The following APBA1 variants were observed in gnomAD, a reference collection of about 807,000 sequenced individuals.
The protein encoded by APBA1 is amyloid-beta A4 precursor protein-binding family A member 1.
In APBA1, 55 loss-of-function variants were observed where a neutral mutation model predicts 86.6. The observed-to-expected ratio is 0.64, with a 90% CI of 0.51 to 0.80. The LOEUF (loss-of-function observed/expected upper bound fraction) is 0.80. APBA1 is among the 30% of genes least tolerant of loss of function. The probability of loss-of-function intolerance (pLI) is 0.00; values close to 1 mark genes in which losing one functional copy is unlikely to be tolerated. For synonymous variants in APBA1, 511 were observed against 493.9 expected (o/e 1.03, Z -0.46); for missense variants, 1,090 against 1,183.0 (o/e 0.92, Z 1.15).
At chr9:69,523,886 T>G (rs1292100710) in intron 1 of APBA1, among the ~76,000 whole-genome samples, 2 of 152,132 alleles carry the variant, frequency 1.3e-5, no homozygotes, top group Non-Finnish European at 2.9e-5. Flanking sequence ...ACCAGCCATA[T>G]TCTTGGATCA....
chr9:69,491,692 C>A (rs550349336), intron 2 of APBA1, among the ~76,000 whole-genome samples: 1 of 151,890 alleles, frequency 6.6e-6, no homozygotes, highest in South Asian at 2.1e-4. Flanking sequence ...ATATTAGGCT[C>A]CATTTTGAAA....
intron 1 of APBA1, among the ~76,000 whole-genome samples, chr9:69,620,906 T>A (rs1261783292): frequency 6.6e-6 from 1 of 151,998 alleles, no homozygotes; most frequent in Non-Finnish European, 1.5e-5. Flanking sequence ...GCTCCAGAAA[T>A]GAAGCAGCAG....
intron 12 of APBA1, among the ~76,000 whole-genome samples, 153 bp from the exon 13 acceptor site, chr9:69,431,551 G>C (rs931082640): frequency 2.0e-4 from 31 of 152,350 alleles, no homozygotes; most frequent in African/African-American, 7.5e-4. Context: ...CCTGACCCAG[G>C]GTGGCCTCCA....
At chr9:69,640,935 G>A (rs2134007687) in intron 1 of APBA1, among the ~76,000 whole-genome samples, 1 of 147,280 alleles carries the variant, frequency 6.8e-6, no homozygotes, top group Admixed American at 7.0e-5. Flanking sequence ...GAGGGGAGAG[G>A]GGAAAGGAGA....
At position 69,428,972 on chromosome 9, in the gene APBA1, A is replaced by C. The variant is rs1834539782; in HGVS notation, c.*2355T>G. 1 of 152,240 alleles carries C rather than the reference A, an allele frequency of 6.6e-6. No homozygotes were observed. The highest frequency in any genetic ancestry group is 2.4e-5 in the African/African-American group (1 of 41,460). The allele number at this position is 152,240 out of a possible 1,614,324, so 9.4% of individuals were successfully genotyped here. Reference sequence around the variant, plus strand: ...AGAATTGGCTTTTTCAGCACCTCTCAAAGTTTACAAGGTTTTTGTGCAATA... The same window carrying C: ...AGAATTGGCTTTTTCAGCACCTCTCCAAGTTTACAAGGTTTTTGTGCAATA... On this transcript the variant is annotated 3_prime_UTR_variant, in exon 13 of 13. Transcript: ENST00000265381.
chr9:69,470,486 C>T (rs1835349932), intron 4 of APBA1, among the ~76,000 whole-genome samples: 1 of 152,078 alleles, frequency 6.6e-6, no homozygotes, highest in African/African-American at 2.4e-5. Flanking sequence ...AGAAAACTTC[C>T]CAGAATGCTC....
In APBA1 at chr9:69,517,241, T is replaced by G. The variant is rs1166860586; in HGVS notation, c.-31A>C. On this transcript the variant is annotated 5_prime_UTR_variant, in exon 2 of 13. Transcript: ENST00000265381. ...GAGTCGGAACGGCTAGGAGAGAAGC[T>G]GGGCCCGGCTCACTGCGCTCTCATT... The G allele has an allele frequency of 9.1e-6, 13 of 1,432,568 alleles. No individual in the cohort carries two copies. The highest frequency in any genetic ancestry group is 1.2e-5 in the Non-Finnish European group (13 of 1,094,042). The allele number at this position is 1,432,568 out of a possible 1,614,324, so 88.7% of individuals were successfully genotyped here. A position where few individuals can be genotyped will look rare whatever the true frequency, so the allele number is the denominator to read the frequency against.
chr9:69,636,532 C>T (rs1268443775), intron 1 of APBA1, among the ~76,000 whole-genome samples: 1 of 151,908 alleles, frequency 6.6e-6, no homozygotes, highest in Non-Finnish European at 1.5e-5. Flanking sequence ...AAAGAAAATA[C>T]ATTCTGTAAT....
intron 1 of APBA1, among the ~76,000 whole-genome samples, chr9:69,665,386 T>C (rs1823824703): frequency 1.3e-5 from 2 of 152,210 alleles, no homozygotes; most frequent in Admixed American, 1.3e-4. Context: ...CATCTCAGGG[T>C]CTGCATGCAT....
chr9:69,612,071 C>A (rs899956734), intron 1 of APBA1, among the ~76,000 whole-genome samples: 3 of 151,956 alleles, frequency 2.0e-5, no homozygotes, highest in African/African-American at 7.2e-5. Context: ...ATAAATCCAA[C>A]CTAAAAACAG....
intron 1 of APBA1, among the ~76,000 whole-genome samples, chr9:69,569,154 G>A (rs1837076154): frequency 6.6e-6 from 1 of 152,172 alleles, no homozygotes; most frequent in Admixed American, 6.5e-5. Context: ...GAAAAGGAAA[G>A]TTAACTTGGT....
chr9:69,497,001 T>C (rs1358045321), intron 2 of APBA1, among the ~76,000 whole-genome samples: 2 of 152,044 alleles, frequency 1.3e-5, no homozygotes, highest in African/African-American at 4.8e-5. Flanking sequence ...TTAAAATCAC[T>C]AGTCAGACTC....
intron 10 of APBA1, among the ~76,000 whole-genome samples, chr9:69,441,426 T>C (rs1191464480): frequency 6.6e-6 from 1 of 152,214 alleles, no homozygotes; most frequent in Non-Finnish European, 1.5e-5. Flanking sequence ...TGTGCAACTA[T>C]GAGGAAGTAT....
At chr9:69,439,492 T>G (rs923256160) in intron 11 of APBA1, among the ~76,000 whole-genome samples, 3 of 152,240 alleles carry the variant, frequency 2.0e-5, no homozygotes, top group African/African-American at 7.2e-5. Flanking sequence ...TATCTTTTTA[T>G]TCTTTTTTCT....
intron 1 of APBA1, among the ~76,000 whole-genome samples, chr9:69,522,068 T>TATAC (rs1554696804): frequency 1.3e-5 from 2 of 149,444 alleles, no homozygotes; most frequent in Admixed American, 6.7e-5. Context: ...CACCATTTTA[T>TATAC]ACACACACAC....
chr9:69,595,117 T>C (rs1822203669), intron 1 of APBA1, among the ~76,000 whole-genome samples: 1 of 152,192 alleles, frequency 6.6e-6, no homozygotes, highest in African/African-American at 2.4e-5. Context: ...AAGGTGATGA[T>C]ACTGGCAACA....
intron 1 of APBA1, among the ~76,000 whole-genome samples, chr9:69,522,942 G>T (rs1836276902): frequency 6.6e-6 from 1 of 152,256 alleles, no homozygotes; most frequent in Admixed American, 6.5e-5. Flanking sequence ...AGGGACACCT[G>T]CAAAACATGA....
intron 1 of APBA1, among the ~76,000 whole-genome samples, chr9:69,656,609 G>C (rs913624186): frequency 1.9e-4 from 29 of 152,144 alleles, no homozygotes; most frequent in Non-Finnish European, 1.3e-4. Context: ...AGCCTCCCAG[G>C]GGCCAGAAAA....
In APBA1 at chr9:69,457,022, C is replaced by T. The variant is rs768293657; in HGVS notation, c.1602+31G>A. 7.6e-6 allele frequency: 12 copies of T among 1,584,846 alleles called. No individual in the cohort carries two copies. In the South Asian group the frequency reaches 9.9e-5, roughly 13 times the overall value. Reference sequence around the variant, plus strand: ...TCTGAGTTACGATGTCACTAAGCTTCACCCTGGGAAAGGTGGAAGCCAGCT... The same window carrying T: ...TCTGAGTTACGATGTCACTAAGCTTTACCCTGGGAAAGGTGGAAGCCAGCT... On this transcript the variant is annotated intron_variant, in intron 7 of 12. Transcript: ENST00000265381.
Sources: gnomAD v4.1 joint callset for allele counts (sites outside exome capture counted in the v4.1 genomes callset) on GRCh38, gnomAD v4.1.1 for gene constraint, MANE v1.5 for transcripts, NCBI Gene and HGNC (gene_info 2026-07-23, HGNC 2026-07-21) for gene names.